Variants in BBX observed in about 807,000 individuals in gnomAD.
BBX encodes the protein BBX high mobility group box domain containing.
BBX carries 30 observed loss-of-function variants against 100.2 expected under a neutral mutation model. The ratio of observed to expected loss-of-function variants is 0.30; its 90% CI spans 0.22 to 0.41. BBX has a LOEUF of 0.41. BBX is among the 10% of genes least tolerant of loss of function. BBX has a pLI of 1.00. For synonymous variants in BBX, 376 were observed against 388.1 expected (o/e 0.97, Z 0.37); for missense variants, 1,023 against 1,129.8 (o/e 0.91, Z 1.35).
At chr3:107,563,546 A>G (rs2050664534) in intron 2 of BBX, among the ~76,000 whole-genome samples, 1 of 152,216 alleles carries the variant, frequency 6.6e-6, no homozygotes, top group South Asian at 2.1e-4. Context: ...AAATTGTATA[A>G]AGTTTTAAAA....
At chr3:107,593,782 A>G (rs1490159805) in intron 2 of BBX, among the ~76,000 whole-genome samples, 2 of 152,208 alleles carry the variant, frequency 1.3e-5, no homozygotes, top group African/African-American at 4.8e-5. Flanking sequence ...CGAAACAAAC[A>G]AACAAAAAAA....
At chr3:107,533,544 G>A (rs974336428) in intron 2 of BBX, among the ~76,000 whole-genome samples, 3 of 152,152 alleles carry the variant, frequency 2.0e-5, no homozygotes, top group African/African-American at 7.2e-5. Context: ...TCTAAGTTGA[G>A]CCAAGTTAAA....
intron 2 of BBX, among the ~76,000 whole-genome samples, chr3:107,641,561 G>A (rs1190426894): frequency 6.6e-6 from 1 of 152,132 alleles, no homozygotes; most frequent in Non-Finnish European, 1.5e-5. Flanking sequence ...CCAAACAAAT[G>A]GACAAATCTG....
intron 2 of BBX, among the ~76,000 whole-genome samples, chr3:107,575,701 C>T (rs2051720167): frequency 6.6e-6 from 1 of 151,734 alleles, no homozygotes; most frequent in Admixed American, 6.6e-5. Flanking sequence ...GATGTAATAC[C>T]AGACATTCTA....
At chr3:107,622,960 T>C (rs2055890376) in intron 2 of BBX, among the ~76,000 whole-genome samples, 1 of 152,200 alleles carries the variant, frequency 6.6e-6, no homozygotes, top group Admixed American at 6.5e-5. Flanking sequence ...AATGGCCAGT[T>C]TGGGAATTTG....
chr3:107,606,513 G>A (rs972865832), intron 2 of BBX, among the ~76,000 whole-genome samples: 1 of 152,084 alleles, frequency 6.6e-6, no homozygotes, highest in Admixed American at 6.6e-5. Context: ...CATGTGATGC[G>A]ACACTTTTGA....
Position 107,810,005 on chromosome 3 carries a change from T to C in BBX, c.*4548T>C, listed in dbSNP as rs1326178178. ...AGTATTCAGGGTTTGATGGACTGCT[T>C]TACTTTCGTTTGGAAGTGATAGCTA... On this transcript the variant is annotated 3_prime_UTR_variant, in exon 18 of 18. Transcript: ENST00000325805. 6.6e-6 allele frequency: 1 copy of C among 152,210 alleles called. No individual in the cohort carries two copies. Among genetic ancestry groups the C allele is most frequent in the East Asian group, 1.9e-4 (1 of 5,206 alleles). 9.4% of individuals were successfully genotyped at this position (152,210 alleles called of 1,614,324 possible). A position where few individuals can be genotyped will look rare whatever the true frequency, so the allele number is the denominator to read the frequency against.
At chr3:107,590,849 T>G (rs535040088) in intron 2 of BBX, among the ~76,000 whole-genome samples, 1 of 152,206 alleles carries the variant, frequency 6.6e-6, no homozygotes, top group East Asian at 1.9e-4. Context: ...AGCACTTGGG[T>G]TGGGGACAGA....
chr3:107,774,950 G>A (rs2067207214), intron 12 of BBX, 93 bp downstream of exon 12: 1 of 1,425,636 alleles, frequency 7.0e-7, no homozygotes, highest in African/African-American at 1.4e-5. Context: ...ACGCATGCTT[G>A]TTCTTTGACT....
chr3:107,544,474 G>A (rs2049069386), intron 2 of BBX, among the ~76,000 whole-genome samples: 2 of 152,122 alleles, frequency 1.3e-5, no homozygotes, highest in Non-Finnish European at 2.9e-5. Context: ...CATGTCTTTA[G>A]ACATGAGATG....
At chr3:107,782,708 C>CT (rs1210129126) in intron 13 of BBX, among the ~76,000 whole-genome samples, 1 of 152,072 alleles carries the variant, frequency 6.6e-6, no homozygotes, top group Admixed American at 6.6e-5. Context: ...TCATTTGGCC[C>CT]TTTTGTTTTC....
chr3:107,564,125 A>T lies in BBX; in HGVS notation c.-84+37727A>T, dbSNP rs533843697. Among the ~76,000 whole-genome samples, 8 of 151,752 alleles carry T rather than the reference A, an allele frequency of 5.3e-5. 1 individual carries two copies. Among genetic ancestry groups the T allele is most frequent in the African/African-American group, 1.7e-4 (7 of 41,284 alleles). On this transcript the variant is annotated intron_variant, in intron 2 of 17. Coordinates refer to ENST00000325805, the MANE Select transcript of BBX (RefSeq NM_001142568.3). ...TATCTTGTTTTAATTTGAATTTTCC[A>T]TGATAACTGGGGTGATTTCATCTGT... is the stretch of plus-strand genomic sequence containing the variant.
At chr3:107,670,987 G>T (rs1250490555) in intron 3 of BBX, among the ~76,000 whole-genome samples, 3 of 151,930 alleles carry the variant, frequency 2.0e-5, no homozygotes, top group Non-Finnish European at 4.4e-5. Context: ...AGGAATGTCT[G>T]TTAGTTGTGT....
At chr3:107,534,807 A>T (rs980037831) in intron 2 of BBX, among the ~76,000 whole-genome samples, 1 of 152,224 alleles carries the variant, frequency 6.6e-6, no homozygotes, top group South Asian at 2.1e-4. Context: ...TTTATGAAAT[A>T]ATGGAAATAA....
At chr3:107,731,735 A>G (rs1219878029) in intron 6 of BBX, among the ~76,000 whole-genome samples, 1 of 151,970 alleles carries the variant, frequency 6.6e-6, no homozygotes, top group Non-Finnish European at 1.5e-5. Context: ...ACTGTCGATA[A>G]CATATAGTCA....
chr3:107,555,277 T>C (rs1048657716), intron 2 of BBX, among the ~76,000 whole-genome samples: 11 of 152,176 alleles, frequency 7.2e-5, no homozygotes, highest in Admixed American at 2.0e-4. Context: ...TATAGAACAG[T>C]TGGAATACGT....
intron 2 of BBX, among the ~76,000 whole-genome samples, chr3:107,585,987 C>T (rs1020423702): frequency 1.8e-4 from 27 of 151,996 alleles, no homozygotes; most frequent in African/African-American, 5.1e-4. Flanking sequence ...TGTGAAAGAA[C>T]GATACAAAAT....
chr3:107,655,704 AT>A (rs1271491849), intron 3 of BBX, among the ~76,000 whole-genome samples: 114 of 142,764 alleles, frequency 8.0e-4, no homozygotes, highest in Middle Eastern at 3.6e-3. Flanking sequence ...AATTTATTTT[AT>A]TTTTTTTTTT....
chr3:107,649,638 C>T (rs2057722308), intron 3 of BBX, among the ~76,000 whole-genome samples: 2 of 117,300 alleles, frequency 1.7e-5, no homozygotes, highest in African/African-American at 5.3e-5. Flanking sequence ...CAGTGCATAT[C>T]TAAAATGTGT....
Sources: allele counts gnomAD v4.1 joint callset (sites outside exome capture counted in the v4.1 genomes callset), GRCh38; gene constraint gnomAD v4.1.1; transcripts MANE v1.5; gene names NCBI Gene and HGNC (gene_info 2026-07-23, HGNC 2026-07-21).